The following EDC4 variants were observed in gnomAD, a reference collection of about 807,000 sequenced individuals.
EDC4 encodes enhancer of mRNA decapping 4, also known as enhancer of mRNA-decapping protein 4.
A neutral mutation model predicts 155.8 loss-of-function variants in EDC4; 64 were observed. The observed-to-expected ratio is 0.41, with a 90% confidence interval of 0.34 to 0.51. EDC4 has a LOEUF of 0.51. EDC4 is among the 20% of genes least tolerant of loss of function. The probability of loss-of-function intolerance (pLI) is 0.19; values close to 1 mark genes in which losing one functional copy is unlikely to be tolerated. For synonymous variants in EDC4, 684 were observed against 716.8 expected (o/e 0.95, Z 0.73); for missense variants, 1,303 against 1,812.5 (o/e 0.72, Z 5.10).
chr16:67,876,181 G>T lies in EDC4; in HGVS notation c.239+80G>T. On this transcript the variant is annotated intron_variant, in intron 2 of 28. Transcript: ENST00000358933. The surrounding 1 kb of genome is among the most constrained non-coding windows in gnomAD (Gnocchi z 5.8). ...GCTGAAGGCATGAGATGGGGAGTGA[G>T]CGGGGCCAGCAGCCTCTGCTGCTTC... is the stretch of plus-strand genomic sequence containing the variant. 1 of 1,459,174 alleles carries T rather than the reference G, an allele frequency of 6.9e-7. No homozygotes were observed. 90.4% of individuals were successfully genotyped at this position (1,459,174 alleles called of 1,614,324 possible). A position where few individuals can be genotyped will look rare whatever the true frequency, so the allele number is the denominator to read the frequency against.
Position 67,882,269 on chromosome 16 carries a change from A to G in EDC4, c.3218A>G (p.Lys1073Arg). 1 of 1,613,434 alleles carries G rather than the reference A, an allele frequency of 6.2e-7. No individual in the cohort carries two copies. Among genetic ancestry groups the G allele is most frequent in the Non-Finnish European group, 8.5e-7 (1 of 1,179,662 alleles). Residue 1073 changes from lysine (K) to arginine (R), a missense_variant, in exon 24 of 29, where the codon AAG (lysine) becomes AGG (arginine). By Grantham distance (26) the Lys-to-Arg change is conservative. This residue lies in a region of EDC4 where 527 missense variants were observed against 757.0 expected (regional missense o/e 0.70). Coordinates refer to ENST00000358933, the MANE Select transcript of EDC4 (RefSeq NM_014329.5). This position sits in a 1 kb window ranked among gnomAD's most constrained non-coding sequence, Gnocchi z 7.2. ...CAACTGAGCAACTCAGTGGCTACCA[A>G]GCTCACAGCTGTGGAGGGCAGCATG... ...AGQLSNSVAT[K>R]LTAVEGSMKE...
rs542709060 is a variant in EDC4, at chr16:67,881,984, G to C, written c.3035G>C (p.Gly1012Ala). The C allele has an allele frequency of 6.2e-7, 1 of 1,610,198 alleles. No homozygotes were observed. The highest frequency in any genetic ancestry group is 1.7e-5 in the Admixed American group (1 of 59,174). The change falls in exon 23 of 29, where the codon GGG becomes GCG. Residue 1012 changes from glycine (G) to alanine (A), a missense_variant. Coordinates refer to ENST00000358933, the MANE Select transcript of EDC4 (RefSeq NM_014329.5). This position sits in a 1 kb window ranked among gnomAD's most constrained non-coding sequence, Gnocchi z 5.4. The part of the protein sequence containing the change: ...QRRLERALAE[G>A]QQRGGQLQEQ... ...CGGCTGGAGCGAGCACTGGCTGAGGGGCAGCAGCGGGGAGGGCAGCTGCAG... is the reference window on the plus strand; with the variant it reads ...CGGCTGGAGCGAGCACTGGCTGAGGCGCAGCAGCGGGGAGGGCAGCTGCAG...
At chr16:67,874,671 A>G (rs2058034771) in intron 1 of EDC4, among the ~76,000 whole-genome samples, 1 of 152,208 alleles carries the variant, frequency 6.6e-6, no homozygotes, top group Non-Finnish European at 1.5e-5. Flanking sequence ...TCTGATCTGA[A>G]TGAAGTGGCC....
In EDC4 at chr16:67,881,058, G is replaced by C. The variant is rs754771145; in HGVS notation, c.2532-18G>C. On this transcript the variant is annotated intron_variant, in intron 18 of 28. Transcript: ENST00000358933. The surrounding 1 kb of genome is among the most constrained non-coding windows in gnomAD (Gnocchi z 5.4). Reference sequence around the variant, plus strand: ...TTCAGATAGATTCATCCATGGCTAAGTTGGCCTGTCCTCCCAGCCCCAGGA... The same window carrying C: ...TTCAGATAGATTCATCCATGGCTAACTTGGCCTGTCCTCCCAGCCCCAGGA... The C allele has an allele frequency of 5.8e-5, 94 of 1,613,908 alleles. No individual in the cohort carries two copies. Among genetic ancestry groups the C allele is most frequent in the Non-Finnish European group, 7.7e-5 (91 of 1,180,038 alleles).
chr16:67,884,283 G>A lies in EDC4; in HGVS notation c.*135G>A, dbSNP rs2058083895. The A allele has an allele frequency of 1.2e-6, 1 of 841,578 alleles. No individual in the cohort carries two copies. The highest frequency in any genetic ancestry group is 1.7e-5 in the African/African-American group (1 of 58,316). The allele number at this position is 841,578 out of a possible 1,614,324, so 52.1% of individuals were successfully genotyped here. ...GGGTGTTTGGGGGTCAGGGAGCAGG[G>A]AGCACTGGCCGTGGTCTACAGCGTG... On this transcript the variant is annotated 3_prime_UTR_variant, in exon 29 of 29. Coordinates refer to ENST00000358933, the MANE Select transcript of EDC4 (RefSeq NM_014329.5). The surrounding 1 kb of genome is among the most constrained non-coding windows in gnomAD (Gnocchi z 4.1).
rs1212526899 is a variant in EDC4 at position 67,880,891 on chromosome 16, T to C, written c.2432T>C (p.Leu811Pro). 1 of 1,613,892 alleles carries C rather than the reference T, an allele frequency of 6.2e-7. No individual in the cohort carries two copies. The highest frequency in any genetic ancestry group is 8.5e-7 in the Non-Finnish European group (1 of 1,179,982). The change falls in exon 18 of 29, where the codon CTG (leucine) becomes CCG (proline). Residue 811 changes from leucine (L) to proline (P), a missense_variant. Coordinates refer to ENST00000358933, the MANE Select transcript of EDC4 (RefSeq NM_014329.5). The surrounding 1 kb of genome is among the most constrained non-coding windows in gnomAD (Gnocchi z 5.2). ...DGDRHNTPSL[L>P]EAALTQEAST... ...GATCGGCATAATACCCCCTCCCTCC[T>C]GGAGGCAGCCTTGACCCAGGAGGCC...
Position 67,879,224 on chromosome 16 carries a change from A to C in EDC4, c.1469-13A>C, listed in dbSNP as rs1366326450. 1 of 1,614,126 alleles carries C rather than the reference A, an allele frequency of 6.2e-7. No homozygotes were observed. The highest frequency in any genetic ancestry group is 1.1e-5 in the South Asian group (1 of 91,084). On this transcript the variant is annotated splice_polypyrimidine_tract_variant and intron_variant, in intron 12 of 28. Transcript: ENST00000358933. This position sits in a 1 kb window ranked among gnomAD's most constrained non-coding sequence, Gnocchi z 6.0. ...GAGGGCCAGGGGCTTCATCATCCAC[A>C]CTGTCCTTTCAGATGGTACCCATGG...
In EDC4 at chr16:67,883,818, C is replaced by T; in HGVS notation, c.4013+87C>T. The T allele has an allele frequency of 6.4e-7, 1 of 1,555,866 alleles. No individual in the cohort carries two copies. The highest frequency in any genetic ancestry group is 8.8e-7 in the Non-Finnish European group (1 of 1,140,808). On this transcript the variant is annotated intron_variant, in intron 28 of 28. Transcript: ENST00000358933. The surrounding 1 kb of genome is among the most constrained non-coding windows in gnomAD (Gnocchi z 5.3). ...GTTTGAAGCTGACGCCCACTTCTGC[C>T]TGAATCCTCTCCCTAATTTTCTCCA... is the stretch of plus-strand genomic sequence containing the variant.
chr16:67,883,182 G>C lies in EDC4; in HGVS notation c.3849+5G>C. ...CTCAATCAGGCCTTCCAGCAGGTAC[G>C]ATAGGCATTAGGCCCTGCTAAGGGT... On this transcript the variant is annotated splice_donor_5th_base_variant and intron_variant, in intron 27 of 28. Transcript: ENST00000358933. This position sits in a 1 kb window ranked among gnomAD's most constrained non-coding sequence, Gnocchi z 5.3. The C allele has an allele frequency of 6.4e-7, 1 of 1,565,480 alleles. No homozygotes were observed. Among genetic ancestry groups the C allele is most frequent in the Non-Finnish European group, 8.6e-7 (1 of 1,156,850 alleles).
Position 67,881,324 on chromosome 16 carries a change from T to C in EDC4, c.2696T>C (p.Val899Ala). 6.2e-7 allele frequency: 1 copy of C among 1,614,118 alleles called. No homozygotes were observed. The highest frequency in any genetic ancestry group is 8.5e-7 in the Non-Finnish European group (1 of 1,180,024). ...ASASGGFGTK[V>A]PAPRLPAKDW... ...GCTTCAGGAGGCTTTGGCACCAAAG[T>C]TCCTGCTCCACGGCTGCCTGCCAAG... The change falls in exon 20 of 29, where the codon GTT becomes GCT. Residue 899 changes from valine (V) to alanine (A), a missense_variant. By Grantham distance (64) the Val-to-Ala change is moderately conservative. Around this residue, in one of 5 missense-constraint regions of EDC4, gnomAD observed 527 missense variants for 757.0 expected, o/e 0.70. Coordinates refer to ENST00000358933, the MANE Select transcript of EDC4 (RefSeq NM_014329.5). This position sits in a 1 kb window ranked among gnomAD's most constrained non-coding sequence, Gnocchi z 5.4.
chr16:67,877,076 T>TAC lies in EDC4; in HGVS notation c.451+104_451+105insAC. 6.4e-7 allele frequency: 1 copy of TAC among 1,553,160 alleles called. No individual in the cohort carries two copies. Among genetic ancestry groups the TAC allele is most frequent in the Non-Finnish European group, 8.7e-7 (1 of 1,148,396 alleles). ...CCTTAGGGGTACAATGGAAGGTTTG[T>TAC]CCATGCTGCCTCTTGGGGAGCTGGG... On this transcript the variant is annotated intron_variant, in intron 4 of 28. Coordinates refer to ENST00000358933, the MANE Select transcript of EDC4 (RefSeq NM_014329.5). The surrounding 1 kb of genome is among the most constrained non-coding windows in gnomAD (Gnocchi z 4.9).
chr16:67,876,790 G>A lies in EDC4; in HGVS notation c.352-83G>A. Reference sequence around the variant, plus strand: ...ACAGTGGGTAGCTGGACTTGCATCTGTGTCCTCTCCCATCCCCAGGGATGT... The same window carrying A: ...ACAGTGGGTAGCTGGACTTGCATCTATGTCCTCTCCCATCCCCAGGGATGT... On this transcript the variant is annotated intron_variant, in intron 3 of 28. Transcript: ENST00000358933. This position sits in a 1 kb window ranked among gnomAD's most constrained non-coding sequence, Gnocchi z 5.8. 1 of 1,580,742 alleles carries A rather than the reference G, an allele frequency of 6.3e-7. No individual in the cohort carries two copies. Among genetic ancestry groups the A allele is most frequent in the Non-Finnish European group, 8.6e-7 (1 of 1,163,252 alleles).
chr16:67,876,618 T>C lies in EDC4; in HGVS notation c.351+19T>C. Reference sequence around the variant, plus strand: ...CAACAAGGTAGGTACTGGGATGCTGTGGCATATATAATGTACGGGGGCACA... The same window carrying C: ...CAACAAGGTAGGTACTGGGATGCTGCGGCATATATAATGTACGGGGGCACA... On this transcript the variant is annotated intron_variant, in intron 3 of 28. Coordinates refer to ENST00000358933, the MANE Select transcript of EDC4 (RefSeq NM_014329.5). This position sits in a 1 kb window ranked among gnomAD's most constrained non-coding sequence, Gnocchi z 5.8. 6.2e-7 allele frequency: 1 copy of C among 1,613,586 alleles called. No individual in the cohort carries two copies. The highest frequency in any genetic ancestry group is 8.5e-7 in the Non-Finnish European group (1 of 1,179,800).
rs934375736 is a variant in EDC4, at chr16:67,880,441, C to A, written c.2098-116C>A. On this transcript the variant is annotated intron_variant, in intron 17 of 28. Coordinates refer to ENST00000358933, the MANE Select transcript of EDC4 (RefSeq NM_014329.5). This position sits in a 1 kb window ranked among gnomAD's most constrained non-coding sequence, Gnocchi z 5.2. ...CTGTGGCCTCGTTTTTGACCTGTATCCCCACTTCCCTGCTGCCCTGTCTCT... is the reference window on the plus strand; with the variant it reads ...CTGTGGCCTCGTTTTTGACCTGTATACCCACTTCCCTGCTGCCCTGTCTCT... 4.9e-6 allele frequency: 7 copies of A among 1,437,324 alleles called. No individual in the cohort carries two copies. The highest frequency in any genetic ancestry group is 6.6e-6 in the Non-Finnish European group (7 of 1,056,830). The allele number at this position is 1,437,324 out of a possible 1,614,324, so 89.0% of individuals were successfully genotyped here. A position where few individuals can be genotyped will look rare whatever the true frequency, so the allele number is the denominator to read the frequency against.
At position 67,881,381 on chromosome 16, in the gene EDC4, C is replaced by T. The variant is rs149541951; in HGVS notation, c.2753C>T (p.Ser918Leu). The change falls in exon 20 of 29, where the codon TCA (serine) becomes TTA (leucine). Residue 918 changes from serine (S) to leucine (L), a missense_variant. Ser to Leu is a moderately radical substitution (Grantham distance 145). Around this residue, in one of 5 missense-constraint regions of EDC4, gnomAD observed 527 missense variants for 757.0 expected, o/e 0.70. Transcript: ENST00000358933. This position sits in a 1 kb window ranked among gnomAD's most constrained non-coding sequence, Gnocchi z 5.4. ...AAGACCAAGGGATCCCCTCGAACCT[C>T]ACCCAAGCTCAAGAGGAAAAGCAAG... ...DWKTKGSPRTSPKLKRKSKKD... is the reference protein window; with the variant it reads ...DWKTKGSPRTLPKLKRKSKKD... The T allele has an allele frequency of 8.0e-4, 1,284 of 1,614,190 alleles. No individual in the cohort carries two copies. The highest frequency in any genetic ancestry group is 1.0e-3 in the Non-Finnish European group (1,236 of 1,180,018).
In EDC4 at chr16:67,876,031, G is replaced by A. The variant is rs762877104; in HGVS notation, c.169G>A (p.Asp57Asn). 6.2e-7 allele frequency: 1 copy of A among 1,614,178 alleles called. No individual in the cohort carries two copies. Among genetic ancestry groups the A allele is most frequent in the East Asian group, 2.2e-5 (1 of 44,888 alleles). ...GGTCCCAGACCCGCTCTGCTCAGGT[G>A]ATAGTACCTCAGCAAACAAGACTGG... is the stretch of plus-strand genomic sequence containing the variant. ...LLVPDPLCSG[D>N]STSANKTGLR... is the part of the protein sequence containing the mutation. Residue 57 changes from aspartate (D) to asparagine (N), a missense_variant, in exon 2 of 29, where the codon GAT becomes AAT. Around this residue, in one of 5 missense-constraint regions of EDC4, gnomAD observed 99 missense variants for 121.3 expected, o/e 0.82. Transcript: ENST00000358933. The surrounding 1 kb of genome is among the most constrained non-coding windows in gnomAD (Gnocchi z 5.8).
chr16:67,875,792 G>T, intron 1 of EDC4, 153 bp from the exon 2 acceptor site: 1 of 1,462,490 alleles, frequency 6.8e-7, no homozygotes, highest in East Asian at 2.4e-5. Flanking sequence ...TTTATGGAAC[G>T]AGAGATGAAC....
chr16:67,879,155 C>G lies in EDC4; in HGVS notation c.1468+18C>G, dbSNP rs143677048. 1 of 1,613,840 alleles carries G rather than the reference C, an allele frequency of 6.2e-7. No homozygotes were observed. The highest frequency in any genetic ancestry group is 1.3e-5 in the African/African-American group (1 of 75,040). Reference sequence around the variant, plus strand: ...GGGTGCTGGTGAGCTGCCTCAGGGTCAGAGCTATGTGTCCATATATCTAGG... The same window carrying G: ...GGGTGCTGGTGAGCTGCCTCAGGGTGAGAGCTATGTGTCCATATATCTAGG... On this transcript the variant is annotated intron_variant, in intron 12 of 28. Coordinates refer to ENST00000358933, the MANE Select transcript of EDC4 (RefSeq NM_014329.5). This position sits in a 1 kb window ranked among gnomAD's most constrained non-coding sequence, Gnocchi z 6.0.
chr16:67,875,007 G>T (rs1472949422), intron 1 of EDC4, among the ~76,000 whole-genome samples: 1 of 152,160 alleles, frequency 6.6e-6, no homozygotes, highest in Non-Finnish European at 1.5e-5. Flanking sequence ...TTGAACCCAG[G>T]GGGTAGAGGT....
Sources: allele counts gnomAD v4.1 joint callset (sites outside exome capture counted in the v4.1 genomes callset), GRCh38; gene constraint gnomAD v4.1.1; regional missense constraint gnomAD v4.1.1; non-coding constraint Gnocchi (gnomAD v3.1); transcripts MANE v1.5; gene names NCBI Gene and HGNC (gene_info 2026-07-23, HGNC 2026-07-21).